The following PRDM6 variants were observed in gnomAD, a reference collection of about 807,000 sequenced individuals.
PRDM6 encodes putative histone-lysine N-methyltransferase PRDM6.
In PRDM6, 25 loss-of-function variants were observed where a neutral mutation model predicts 60.8. The ratio of observed to expected loss-of-function variants is 0.41; its 90% CI spans 0.30 to 0.57. The LOEUF is 0.57. PRDM6 is among the 20% of genes least tolerant of loss of function. The pLI, the probability that PRDM6 is intolerant of heterozygous loss-of-function variation, is 0.27. For synonymous variants in PRDM6, 407 were observed against 357.4 expected, an observed-to-expected ratio of 1.14 and a Z score of -1.57; for missense variants, 839 against 821.3, an observed-to-expected ratio of 1.02 and a Z score of -0.26.
intron 7 of PRDM6, among the ~76,000 whole-genome samples, chr5:123,183,214 A>G (rs1766206949): frequency 6.6e-6 from 1 of 152,154 alleles, no homozygotes; most frequent in Non-Finnish European, 1.5e-5. Flanking sequence ...ATAACCCTCA[A>G]CTGTATGTCT....
chr5:123,091,320 C>G (rs1295343672), intron 2 of PRDM6, among the ~76,000 whole-genome samples: 1 of 152,222 alleles, frequency 6.6e-6, no homozygotes, highest in East Asian at 1.9e-4. Flanking sequence ...CCCGCTTTAT[C>G]CGCGCACCTT....
At chr5:123,178,216 T>G (rs1223871467) in intron 6 of PRDM6, among the ~76,000 whole-genome samples, 1 of 152,104 alleles carries the variant, frequency 6.6e-6, no homozygotes, top group African/African-American at 2.4e-5. Flanking sequence ...AAAGAAAAGA[T>G]TAATTGGTTT....
chr5:123,094,347 T>A (rs1763911441), intron 2 of PRDM6, among the ~76,000 whole-genome samples: 3 of 152,014 alleles, frequency 2.0e-5, no homozygotes, highest in Admixed American at 2.0e-4. Flanking sequence ...CTGCGCCTCC[T>A]CTGTCAAAGA....
chr5:123,143,532 A>G (rs427283), intron 3 of PRDM6, among the ~76,000 whole-genome samples: 148,911 of 152,286 alleles, frequency 0.98, 72,818 homozygotes, highest in East Asian at 1. Context: ...CAGACATTCA[A>G]GTTGACGGGA....
rs1763798259 is a variant in PRDM6 at position 123,090,358 on chromosome 5, A to G, written c.344A>G (p.Gln115Arg). 1 of 1,472,504 alleles carries G rather than the reference A, an allele frequency of 6.8e-7. No individual in the cohort carries two copies. Among genetic ancestry groups the G allele is most frequent in the Non-Finnish European group, 9.0e-7 (1 of 1,117,116 alleles). 91.2% of individuals were successfully genotyped at this position (1,472,504 alleles called of 1,614,324 possible). Residue 115 changes from glutamine (Q) to arginine (R), a missense_variant, in exon 2 of 8, where the codon CAG becomes CGG. Gln to Arg is a conservative substitution (Grantham distance 43). Coordinates refer to ENST00000407847, the MANE Select transcript of PRDM6 (RefSeq NM_001136239.4). ...LAGLSALPVS[Q>R]LPVFAPLAAA... Reference sequence around the variant, plus strand: ...GGTCTCTCGGCCCTGCCGGTGTCGCAGCTGCCGGTGTTCGCGCCTCTAGCC... The same window carrying G: ...GGTCTCTCGGCCCTGCCGGTGTCGCGGCTGCCGGTGTTCGCGCCTCTAGCC...
intron 5 of PRDM6, among the ~76,000 whole-genome samples, chr5:123,169,507 T>C (rs769514231): frequency 3.3e-5 from 5 of 152,174 alleles, no homozygotes; most frequent in African/African-American, 1.2e-4. Flanking sequence ...AGTACTTTCA[T>C]TGGTGTATTT....
rs1236070890 is a variant in PRDM6, at chr5:123,161,974, G to A, written c.1153+2336G>A. Among the ~76,000 whole-genome samples, 7 of 152,170 alleles carry A rather than the reference G, an allele frequency of 4.6e-5. No individual in the cohort carries two copies. In the East Asian group the frequency reaches 1.3e-3, roughly 29 times the overall value. On this transcript the variant is annotated intron_variant, in intron 5 of 7. Transcript: ENST00000407847. ...GACTAGTATGGAAGTGGTGGAGGTG[G>A]TGAGAAGTAGTTGGATTCTGGATAT...
Position 123,090,260 on chromosome 5 carries a change from G to A in PRDM6, c.246G>A (p.Thr82=). The change falls in exon 2 of 8, where the codon ACG becomes ACA. Residue 82 remains threonine (T), a synonymous_variant. Transcript: ENST00000407847. The part of the protein sequence containing the change: ...RPASLSSASS[T]PASSSTSASS... The stretch of plus-strand genomic sequence containing the variant: ...CCTCTCTCTCCTCCGCCTCGTCCAC[G>A]CCGGCTTCCTCTTCCACCTCCGCCT... The A allele has an allele frequency of 6.9e-7, 1 of 1,459,172 alleles. No homozygotes were observed. The highest frequency in any genetic ancestry group is 9.1e-7 in the Non-Finnish European group (1 of 1,094,588). 90.4% of individuals were successfully genotyped at this position (1,459,172 alleles called of 1,614,324 possible). A position where few individuals can be genotyped will look rare whatever the true frequency, so the allele number is the denominator to read the frequency against.
chr5:123,126,518 TG>T (rs1191752525), intron 3 of PRDM6, among the ~76,000 whole-genome samples: 1 of 152,160 alleles, frequency 6.6e-6, no homozygotes, highest in African/African-American at 2.4e-5. Context: ...TAATTAGTTA[TG>T]GAATTGGCCT....
intron 3 of PRDM6, among the ~76,000 whole-genome samples, chr5:123,150,489 A>G (rs1207424149): frequency 1.3e-5 from 2 of 152,216 alleles, no homozygotes; most frequent in African/African-American, 2.4e-5. Context: ...ACAGCCAAGA[A>G]TCATTTTTTT....
chr5:123,095,190 A>G (rs1763929025), intron 2 of PRDM6, among the ~76,000 whole-genome samples: 1 of 152,068 alleles, frequency 6.6e-6, no homozygotes, highest in African/African-American at 2.4e-5. Flanking sequence ...GTAGAGGAGG[A>G]GGGCCGGGTG....
At position 123,193,882 on chromosome 5, in the gene PRDM6, A is replaced by G. The variant is rs980660609; in HGVS notation, c.*6681A>G. The G allele has an allele frequency of 6.6e-6, 1 of 152,166 alleles. No homozygotes were observed. The highest frequency in any genetic ancestry group is 1.5e-5 in the Non-Finnish European group (1 of 68,036). 9.4% of individuals were successfully genotyped at this position (152,166 alleles called of 1,614,324 possible). On this transcript the variant is annotated 3_prime_UTR_variant, in exon 8 of 8. Coordinates refer to ENST00000407847, the MANE Select transcript of PRDM6 (RefSeq NM_001136239.4). ...TCTCTCCAACTTTCCACCAAATAAA[A>G]TGGTTAGAGTGAATGCCCAGTTTCA...
chr5:123,105,872 G>T (rs991221655), intron 3 of PRDM6, among the ~76,000 whole-genome samples: 1 of 152,224 alleles, frequency 6.6e-6, no homozygotes, highest in Non-Finnish European at 1.5e-5. Flanking sequence ...ATAAGTTACA[G>T]AATTCCATTA....
At chr5:123,093,196 C>T (rs1221217714) in intron 2 of PRDM6, among the ~76,000 whole-genome samples, 1 of 152,090 alleles carries the variant, frequency 6.6e-6, no homozygotes, top group African/African-American at 2.4e-5. Flanking sequence ...TTCATTTTGT[C>T]ACTTCGTACT....
intron 3 of PRDM6, among the ~76,000 whole-genome samples, chr5:123,140,193 A>G (rs199653108): frequency 6.6e-6 from 1 of 152,056 alleles, no homozygotes; most frequent in African/African-American, 2.4e-5. Flanking sequence ...TTAATCTGAA[A>G]TTATCTGCGC....
At chr5:123,112,008 C>A (rs565649503) in intron 3 of PRDM6, among the ~76,000 whole-genome samples, 2 of 152,332 alleles carry the variant, frequency 1.3e-5, no homozygotes, top group South Asian at 4.2e-4. Context: ...TAAAGAACTA[C>A]TAACAGACAG....
In PRDM6 at chr5:123,171,085, C is replaced by G; in HGVS notation, c.1473C>G (p.His491Gln). ...TFTQRILLQM[H>Q]VCTQNPDRPY... ...CCCAGCGGATCCTCTTACAGATGCACGTGTGCACGCAGAACCCCGACAGGT... is the reference window on the plus strand; with the variant it reads ...CCCAGCGGATCCTCTTACAGATGCAGGTGTGCACGCAGAACCCCGACAGGT... The change falls in exon 6 of 8, where the codon CAC becomes CAG. Residue 491 changes from histidine to glutamine, a missense_variant. His to Gln is a conservative substitution (Grantham distance 24). Around this residue, in one of 2 missense-constraint regions of PRDM6, gnomAD observed 109 missense variants for 172.6 expected, o/e 0.63. Coordinates refer to ENST00000407847, the MANE Select transcript of PRDM6 (RefSeq NM_001136239.4). The G allele has an allele frequency of 1.3e-6, 2 of 1,545,268 alleles. No homozygotes were observed. The highest frequency in any genetic ancestry group is 1.8e-6 in the Non-Finnish European group (2 of 1,142,628).
At chr5:123,116,427 G>A (rs990424789) in intron 3 of PRDM6, among the ~76,000 whole-genome samples, 1 of 152,168 alleles carries the variant, frequency 6.6e-6, no homozygotes, top group Non-Finnish European at 1.5e-5. Flanking sequence ...AGAGGAGCTG[G>A]TTTGCAAACT....
At chr5:123,184,819 G>A (rs335865) in intron 7 of PRDM6, among the ~76,000 whole-genome samples, 7,797 of 152,126 alleles carry the variant, frequency 0.051, 214 homozygotes, top group African/African-American at 0.072. Context: ...TATATAAATT[G>A]CATTCTTGTC....
Sources: gnomAD v4.1 joint callset for allele counts (sites outside exome capture counted in the v4.1 genomes callset) on GRCh38, gnomAD v4.1.1 for gene constraint, gnomAD v4.1.1 regional missense constraint, MANE v1.5 for transcripts, NCBI Gene and HGNC (gene_info 2026-07-23, HGNC 2026-07-21) for gene names.